The following PMVK variants were observed in gnomAD, a reference collection of about 807,000 sequenced individuals.
PMVK encodes the protein testis tissue sperm-binding protein Li 95mP.
Under a neutral mutation model 19.0 loss-of-function variants are expected in PMVK, and 10 were observed. That is an observed-to-expected ratio of 0.53 (90% CI 0.32 to 0.89). The LOEUF (loss-of-function observed/expected upper bound fraction) is 0.89. Among genes scored for constraint, PMVK ranks in the 40% least tolerant of loss-of-function variants. The pLI, the probability that PMVK is intolerant of heterozygous loss-of-function variation, is 0.03. For synonymous variants in PMVK, 108 were observed against 101.6 expected, an observed-to-expected ratio of 1.06 and a Z score of -0.38; for missense variants, 222 against 251.1, an observed-to-expected ratio of 0.88 and a Z score of 0.78.
At chr1:154,925,289 C>G (rs941747957) in intron 4 of PMVK, 24 bp from the exon 5 acceptor site, 4 of 1,613,768 alleles carry the variant, frequency 2.5e-6, no homozygotes, top group Admixed American at 1.7e-5. Context: ...ATGGTGAGGT[C>G]AGGCCTCAGC....
chr1:154,924,905 C>G lies in PMVK; in HGVS notation c.*224G>C. ...CTTCAAGCACAGCCAAGACACCCTC[C>G]TTTGCCCTTGGAGTCTCCTCCTGAA... On this transcript the variant is annotated 3_prime_UTR_variant, in exon 5 of 5. Transcript: ENST00000368467. 1.8e-6 allele frequency: 1 copy of G among 562,378 alleles called. No homozygotes were observed. Among genetic ancestry groups the G allele is most frequent in the Non-Finnish European group, 3.2e-6 (1 of 313,328 alleles). 34.8% of individuals were successfully genotyped at this position (562,378 alleles called of 1,614,324 possible).
chr1:154,940,641 C>T (rs1185646516), upstream of PMVK, among the ~76,000 whole-genome samples: 1 of 152,202 alleles, frequency 6.6e-6, no homozygotes, highest in Admixed American at 6.5e-5. Context: ...TCAAAGGCCA[C>T]CCCTTTCTTC....
intron 2 of PMVK, among the ~76,000 whole-genome samples, chr1:154,931,790 G>A (rs1447074800): frequency 2.0e-5 from 3 of 146,934 alleles, no homozygotes; most frequent in Non-Finnish European, 4.5e-5. Context: ...TTCACTTAAT[G>A]ATATATTTTG....
upstream of PMVK, among the ~76,000 whole-genome samples, chr1:154,939,634 C>T (rs1367816969): frequency 1.3e-5 from 2 of 149,980 alleles, no homozygotes; most frequent in Non-Finnish European, 3.0e-5. Context: ...GGAGGTGGAG[C>T]TTGCAGTGAG....
In PMVK at chr1:154,926,432, A is replaced by G; in HGVS notation, c.364T>C (p.Tyr122His). Residue 122 changes from tyrosine to histidine, a missense_variant, in exon 4 of 5, where the codon TAT (tyrosine) becomes CAT (histidine). Transcript: ENST00000368467. ...CGGACCGTCTGCGTCACGGCCCCAT[A>G]GGCCTCCCGAAACCACTGGATGTCA... Reference protein sequence around the residue: ...VSDIQWFREAYGAVTQTVRVV... With the variant: ...VSDIQWFREAHGAVTQTVRVV... The G allele has an allele frequency of 6.2e-7, 1 of 1,613,856 alleles. No homozygotes were observed. Among genetic ancestry groups the G allele is most frequent in the Non-Finnish European group, 8.5e-7 (1 of 1,179,890 alleles).
At chr1:154,938,351 T>C (rs959137595), upstream of PMVK, among the ~76,000 whole-genome samples, 4 of 152,210 alleles carry the variant, frequency 2.6e-5, no homozygotes, top group Non-Finnish European at 5.9e-5. Flanking sequence ...CTCCGCACTT[T>C]GGGAGGCCAA....
At chr1:154,930,598 G>C (rs1571381326) in intron 2 of PMVK, among the ~76,000 whole-genome samples, 1 of 133,858 alleles carries the variant, frequency 7.5e-6, no homozygotes, top group Admixed American at 8.8e-5. Flanking sequence ...GATCAGTTTT[G>C]AAAGTGCTCC....
At chr1:154,940,039 A>G (rs1425971306), upstream of PMVK, among the ~76,000 whole-genome samples, 1 of 151,980 alleles carries the variant, frequency 6.6e-6, no homozygotes, top group African/African-American at 2.4e-5. Flanking sequence ...AGCCTCCCAA[A>G]GTGCTGGAAT....
the PMVK span, among the ~76,000 whole-genome samples, chr1:154,942,143 G>A: frequency 1.2e-4 from 19 of 152,302 alleles, no homozygotes; most frequent in African/African-American, 4.6e-4. Flanking sequence ...GCCCTACTTG[G>A]GCAAACTTGG....
Position 154,926,451 on chromosome 1 carries a change from G to A in PMVK, c.345C>T (p.Ile115=), listed in dbSNP as rs1480085700. Residue 115 remains isoleucine (I), a synonymous_variant, in exon 4 of 5, where the codon ATC becomes ATT. Transcript: ENST00000368467. ...LVSDTRRVSD[I]QWFREAYGAV... ...CCCCATAGGCCTCCCGAAACCACTG[G>A]ATGTCAGACACTCTCCGTGTGTCAC... is the stretch of plus-strand genomic sequence containing the variant. 2 of 1,613,814 alleles carry A rather than the reference G, an allele frequency of 1.2e-6. No homozygotes were observed. Among genetic ancestry groups the A allele is most frequent in the Middle Eastern group, 3.3e-4 (2 of 6,060 alleles).
At chr1:154,936,314 T>C in intron 1 of PMVK, 1 of 835,404 alleles carries the variant, frequency 1.2e-6, no homozygotes, top group Non-Finnish European at 1.4e-6. Flanking sequence ...ACGCCTGGTA[T>C]ATAGAAAGTG....
chr1:154,933,466 C>T (rs1224847139), intron 1 of PMVK, among the ~76,000 whole-genome samples: 3 of 143,286 alleles, frequency 2.1e-5, no homozygotes, highest in Non-Finnish European at 4.5e-5. Flanking sequence ...ATAACTCATT[C>T]GTTATTTAAT....
At chr1:154,932,273 G>T in intron 2 of PMVK, 79 bp downstream of exon 2, 1 of 1,016,384 alleles carries the variant, frequency 9.8e-7, no homozygotes, top group South Asian at 1.3e-5. Context: ...TCATGCCAGT[G>T]ACTCAGGCAG....
chr1:154,941,029 G>A (rs1190000191), upstream of PMVK, among the ~76,000 whole-genome samples: 1 of 152,262 alleles, frequency 6.6e-6, no homozygotes, highest in Non-Finnish European at 1.5e-5. Context: ...CCACTTCAAT[G>A]ATGAGAAAGC....
chr1:154,927,112 C>T (rs747379787), intron 3 of PMVK, among the ~76,000 whole-genome samples: 17 of 152,100 alleles, frequency 1.1e-4, no homozygotes, highest in Non-Finnish European at 1.5e-4. Flanking sequence ...CTCCACTCTA[C>T]GTTTGCTCCC....
At chr1:154,939,779 T>A (rs1326967367), upstream of PMVK, among the ~76,000 whole-genome samples, 2 of 152,012 alleles carry the variant, frequency 1.3e-5, no homozygotes, top group African/African-American at 4.8e-5. Context: ...CTTTTCTTTT[T>A]TTGAGACAGG....
upstream of PMVK, chr1:154,938,157 C>T (rs909389434): frequency 6.6e-6 from 1 of 152,226 alleles, no homozygotes; most frequent in Non-Finnish European, 1.5e-5. Context: ...ATTTGGGCCT[C>T]CACGGAAAGT....
intron 4 of PMVK, among the ~76,000 whole-genome samples, chr1:154,925,519 G>C (rs1310377352): frequency 6.6e-6 from 1 of 152,236 alleles, no homozygotes; most frequent in Non-Finnish European, 1.5e-5. Context: ...TACAGAGGGT[G>C]AATCGGGTCA....
At chr1:154,928,984 G>A (rs1654253832) in intron 3 of PMVK, 40 bp downstream of exon 3, 1 of 1,589,718 alleles carries the variant, frequency 6.3e-7, no homozygotes, top group African/African-American at 1.3e-5. Flanking sequence ...GAAGAGCTAG[G>A]GAAACAGGTG....
Sources: gnomAD v4.1 joint callset for allele counts (sites outside exome capture counted in the v4.1 genomes callset) on GRCh38, gnomAD v4.1.1 for gene constraint, MANE v1.5 for transcripts, NCBI Gene and HGNC (gene_info 2026-07-23, HGNC 2026-07-21) for gene names.